Variants in PPIP5K2 observed in about 807,000 individuals in gnomAD.
PPIP5K2 encodes diphosphoinositol pentakisphosphate kinase 2.
A neutral mutation model predicts 154.6 loss-of-function variants in PPIP5K2; 105 were observed. The observed-to-expected ratio is 0.68, with a 90% CI of 0.58 to 0.80. The LOEUF (loss-of-function observed/expected upper bound fraction) is 0.80, where lower values mean the gene tolerates loss of function less well. Among genes scored for constraint, PPIP5K2 ranks in the 30% least tolerant of loss-of-function variants. The pLI, the probability that PPIP5K2 is intolerant of heterozygous loss-of-function variation, is 0.00. For synonymous variants in PPIP5K2, 480 were observed against 490.3 expected (o/e 0.98, Z 0.28); for missense variants, 992 against 1,504.6 (o/e 0.66, Z 5.64).
Position 103,136,804 on chromosome 5 carries a change from A to G in PPIP5K2, c.383A>G (p.Gln128Arg). 2 of 1,613,162 alleles carry G rather than the reference A, an allele frequency of 1.2e-6. No homozygotes were observed. Among genetic ancestry groups the G allele is most frequent in the Non-Finnish European group, 1.7e-6 (2 of 1,179,204 alleles). ...NPFVINDLNM[Q>R]YLIQDRREVY... ...TTTGTAATCAATGACTTGAATATGC[A>G]GTATCTCATACAAGATAGGTGAGTG... Residue 128 changes from glutamine (Q) to arginine (R), a missense_variant, in exon 4 of 31, where the codon CAG (glutamine) becomes CGG (arginine). Physicochemically the swap from Gln to Arg is conservative, Grantham distance 43. This residue lies in a region of PPIP5K2 where 153 missense variants were observed against 200.4 expected (regional missense o/e 0.76). Transcript: ENST00000358359.
At chr5:103,181,557 G>A (rs1385032159) in intron 24 of PPIP5K2, among the ~76,000 whole-genome samples, 1 of 151,868 alleles carries the variant, frequency 6.6e-6, no homozygotes, top group Admixed American at 6.6e-5. Flanking sequence ...GGGCAACAGA[G>A]CGAGATTCTG....
intron 8 of PPIP5K2, among the ~76,000 whole-genome samples, chr5:103,150,478 A>T (rs1794448735): frequency 6.6e-6 from 1 of 152,178 alleles, no homozygotes; most frequent in Non-Finnish European, 1.5e-5. Context: ...GGTTTAAAAG[A>T]TCACAGGATT....
intron 17 of PPIP5K2, among the ~76,000 whole-genome samples, chr5:103,162,441 T>A (rs1361110412): frequency 6.6e-6 from 1 of 151,766 alleles, no homozygotes; most frequent in Non-Finnish European, 1.5e-5. Flanking sequence ...TAGCTCACTG[T>A]GGCCTGAAAC....
At chr5:103,163,901 G>A (rs1040671034) in intron 17 of PPIP5K2, among the ~76,000 whole-genome samples, 1 of 151,776 alleles carries the variant, frequency 6.6e-6, no homozygotes, top group Non-Finnish European at 1.5e-5. Context: ...TGTCAGATTG[G>A]CCTTTACTTT....
intron 2 of PPIP5K2, among the ~76,000 whole-genome samples, chr5:103,130,101 C>T (rs1023691909): frequency 2.0e-5 from 3 of 152,178 alleles, no homozygotes; most frequent in African/African-American, 7.2e-5. Flanking sequence ...CATTAAGCTT[C>T]TGTTACCAAT....
At position 103,208,242 on chromosome 5, in the gene PPIP5K2, C is replaced by CA. The variant is rs1311287407; in HGVS notation, c.*6609dup. 1 of 152,388 alleles carries CA rather than the reference C, an allele frequency of 6.6e-6. No homozygotes were observed. Among genetic ancestry groups the CA allele is most frequent in the African/African-American group, 2.4e-5 (1 of 41,398 alleles). 9.4% of individuals were successfully genotyped at this position (152,388 alleles called of 1,614,324 possible). ...AGTAGCTGGGATTACAGGCGCCCGCCACCACGCCTGGCTAATTTTTGCATT... is the reference window on the plus strand; with the variant it reads ...AGTAGCTGGGATTACAGGCGCCCGCCAACCACGCCTGGCTAATTTTTGCATT... On this transcript the variant is annotated 3_prime_UTR_variant, in exon 31 of 31. Transcript: ENST00000358359.
rs1803335289 is a variant in PPIP5K2 at position 103,203,975 on chromosome 5, T to C, written c.*2341T>C. 1 of 152,118 alleles carries C rather than the reference T, an allele frequency of 6.6e-6. No homozygotes were observed. Among genetic ancestry groups the C allele is most frequent in the East Asian group, 1.9e-4 (1 of 5,186 alleles). 9.4% of individuals were successfully genotyped at this position (152,118 alleles called of 1,614,324 possible). On this transcript the variant is annotated 3_prime_UTR_variant, in exon 31 of 31. Coordinates refer to ENST00000358359, the MANE Select transcript of PPIP5K2 (RefSeq NM_001276277.3). The stretch of plus-strand genomic sequence containing the variant: ...GGAATACAGTAAAGTAACAAAAACA[T>C]GTGGCAGTGTGCTTAGCATAAACAT...
In PPIP5K2 at chr5:103,180,104, A is replaced by T. The variant is rs1554222120; in HGVS notation, c.2838A>T (p.Ile946=). The T allele has an allele frequency of 1.9e-6, 3 of 1,605,584 alleles. No homozygotes were observed. The highest frequency in any genetic ancestry group is 1.7e-6 in the Non-Finnish European group (2 of 1,176,760). The change falls in exon 24 of 31, where the codon ATA becomes ATT. Residue 946 remains isoleucine, a synonymous_variant. Coordinates refer to ENST00000358359, the MANE Select transcript of PPIP5K2 (RefSeq NM_001276277.3). ...GAGATGAAGTTGATCGAGCTGTGATATTGTTTAAACCAATGGTATCAGAGC... is the reference window on the plus strand; with the variant it reads ...GAGATGAAGTTGATCGAGCTGTGATTTTGTTTAAACCAATGGTATCAGAGC... ...SKRDEVDRAV[I]LFKPMVSEPI...
In PPIP5K2 at chr5:103,154,753, T is replaced by C; in HGVS notation, c.1293+8T>C. 3.8e-6 allele frequency: 6 copies of C among 1,574,698 alleles called. No individual in the cohort carries two copies. The highest frequency in any genetic ancestry group is 5.2e-6 in the Non-Finnish European group (6 of 1,160,518). On this transcript the variant is annotated splice_region_variant and intron_variant, in intron 12 of 30. Transcript: ENST00000358359. ...AAACCAAAACAGTTACAGGCAAGTG[T>C]ATTTGCTTTCTTGTTTAATTTTAAA... is the stretch of plus-strand genomic sequence containing the variant.
intron 30 of PPIP5K2, among the ~76,000 whole-genome samples, chr5:103,199,854 G>A (rs556779598): frequency 2.5e-4 from 38 of 151,972 alleles, no homozygotes; most frequent in African/African-American, 8.9e-4. Flanking sequence ...ATAAACTTAT[G>A]TTTCTTTGTC....
intron 29 of PPIP5K2, 23 bp from the exon 30 acceptor site, chr5:103,194,877 C>T: frequency 6.3e-7 from 1 of 1,592,524 alleles, no homozygotes; most frequent in Non-Finnish European, 8.5e-7. Flanking sequence ...ATTAAATTAA[C>T]ATGTTTGTTT....
chr5:103,142,521 C>G (rs115872500), intron 5 of PPIP5K2, among the ~76,000 whole-genome samples: 1 of 152,212 alleles, frequency 6.6e-6, no homozygotes, highest in Admixed American at 6.5e-5. Context: ...CCTCAAGCGC[C>G]GCCAAAGTGG....
intron 14 of PPIP5K2, among the ~76,000 whole-genome samples, chr5:103,157,581 C>T (rs1351890437): frequency 6.6e-6 from 1 of 151,952 alleles, no homozygotes; most frequent in Non-Finnish European, 1.5e-5. Flanking sequence ...ATTTCGAGAC[C>T]AGCCTGGCCA....
intron 13 of PPIP5K2, 73 bp from the exon 14 acceptor site, chr5:103,155,836 A>G (rs1795338955): frequency 2.1e-6 from 2 of 961,290 alleles, no homozygotes; most frequent in Non-Finnish European, 3.3e-6. Context: ...GGTTACAAAT[A>G]AAAGGGAGCA....
intron 1 of PPIP5K2, among the ~76,000 whole-genome samples, chr5:103,127,597 G>A (rs1045643513): frequency 6.6e-6 from 1 of 152,194 alleles, no homozygotes; most frequent in South Asian, 2.1e-4. Context: ...TGGTTTACAG[G>A]AGTGTTCATG....
chr5:103,198,366 T>C (rs1273328186), intron 30 of PPIP5K2, among the ~76,000 whole-genome samples: 2 of 152,158 alleles, frequency 1.3e-5, no homozygotes, highest in Non-Finnish European at 2.9e-5. Flanking sequence ...TTGATCCTAA[T>C]GGACACTATT....
At position 103,148,043 on chromosome 5, in the gene PPIP5K2, T is replaced by C. The variant is rs369486760; in HGVS notation, c.744+11T>C. ...GGTACTGATGTTAAGGTAGGATTGA[T>C]TAAAATAGATTTTAGTTTTATATTT... On this transcript the variant is annotated intron_variant, in intron 7 of 30. Transcript: ENST00000358359. 23 of 1,507,872 alleles carry C rather than the reference T, an allele frequency of 1.5e-5. No individual in the cohort carries two copies. The highest frequency in any genetic ancestry group is 1.9e-5 in the Admixed American group (1 of 52,356). 93.4% of individuals were successfully genotyped at this position (1,507,872 alleles called of 1,614,324 possible).
At chr5:103,186,224 T>C (rs1029591114) in intron 26 of PPIP5K2, 96 bp from the exon 27 acceptor site, 17 of 1,512,460 alleles carry the variant, frequency 1.1e-5, no homozygotes, top group Non-Finnish European at 1.5e-5. Context: ...GGTTGCCTTA[T>C]ATGTGGTAAG....
At chr5:103,144,795 A>C (rs1290715236) in intron 5 of PPIP5K2, among the ~76,000 whole-genome samples, 1 of 152,138 alleles carries the variant, frequency 6.6e-6, no homozygotes, top group East Asian at 1.9e-4. Flanking sequence ...CTAAGACCTG[A>C]AGCTATGCAA....
Sources: allele counts gnomAD v4.1 joint callset (sites outside exome capture counted in the v4.1 genomes callset), GRCh38; gene constraint gnomAD v4.1.1; regional missense constraint gnomAD v4.1.1; transcripts MANE v1.5; gene names NCBI Gene and HGNC (gene_info 2026-07-23, HGNC 2026-07-21).